SAMD12: variants seen among roughly 807,000 people sequenced by gnomAD.
SAMD12 encodes the protein sterile alpha motif domain containing 12.
SAMD12 carries 9 observed loss-of-function variants against 15.0 expected under a neutral mutation model. That is an observed-to-expected ratio of 0.60 (90% CI 0.36 to 1.05). The LOEUF is 1.05. Ranked by LOEUF, SAMD12 falls within the 50% of genes least tolerant of loss-of-function variation. The pLI is 0.01. For synonymous variants in SAMD12, 86 were observed against 90.1 expected, an observed-to-expected ratio of 0.96 and a Z score of 0.25; for missense variants, 230 against 234.2, an observed-to-expected ratio of 0.98 and a Z score of 0.12.
Position 118,378,812 on chromosome 8 carries a change from G to T in SAMD12, c.*605C>A, listed in dbSNP as rs564020363. 11 of 985,298 alleles carry T rather than the reference G, an allele frequency of 1.1e-5. No individual in the cohort carries two copies. Among genetic ancestry groups the T allele is most frequent in the African/African-American group, 1.0e-4 (6 of 57,318 alleles). The allele number at this position is 985,298 out of a possible 1,614,324, so 61.0% of individuals were successfully genotyped here. ...TCAGTTACATATAGTGTAACTTAAG[G>T]CTTTCTTCGAATTCTAGCTTTATTT... is the stretch of plus-strand genomic sequence containing the variant. On this transcript the variant is annotated 3_prime_UTR_variant, in exon 4 of 4. Transcript: ENST00000314727.
intron 2 of SAMD12, among the ~76,000 whole-genome samples, chr8:118,533,840 G>T (rs1184494622): frequency 6.6e-6 from 1 of 151,614 alleles, no homozygotes; most frequent in Non-Finnish European, 1.5e-5. Flanking sequence ...GCGTGTCTCT[G>T]CATGTGAGAT....
chr8:118,568,295 G>A (rs1166801151), intron 2 of SAMD12, among the ~76,000 whole-genome samples: 2 of 152,168 alleles, frequency 1.3e-5, no homozygotes, highest in African/African-American at 4.8e-5. Flanking sequence ...TAAAGGCTTG[G>A]AGGTGGGAAG....
Position 118,215,476 on chromosome 8 carries a change from T to A in SAMD12, c.434-17744A>T, listed in dbSNP as rs1005380331. Among the ~76,000 whole-genome samples, 4 of 152,166 alleles carry A rather than the reference T, an allele frequency of 2.6e-5. 1 individual carries two copies. The highest frequency in any genetic ancestry group is 4.1e-4 in the South Asian group (2 of 4,826). ...GTTGTCATTGAGTGCTTTTTTTTTT[T>A]ATTACACTTTAAGTTTTAGGGTACA... On this transcript the variant is annotated intron_variant, in intron 4 of 4. Coordinates refer to the SAMD12 transcript ENST00000409003.
chr8:118,355,855 C>T (rs1481185986), intron 4 of SAMD12, among the ~76,000 whole-genome samples: 1 of 152,170 alleles, frequency 6.6e-6, no homozygotes, highest in African/African-American at 2.4e-5. Flanking sequence ...CAACCTTTGA[C>T]TGTGATTCTG....
chr8:118,284,708 C>CTTTTTT, intron 4 of SAMD12: 1 of 168,690 alleles, frequency 5.9e-6, no homozygotes, highest in South Asian at 1.4e-4. Context: ...TTTGGGAGGC[C>CTTTTTT]AAGGCGGGCA....
the SAMD12 span, among the ~76,000 whole-genome samples, chr8:118,182,232 C>A: frequency 6.6e-6 from 1 of 152,186 alleles, no homozygotes; most frequent in African/African-American, 2.4e-5. Context: ...GATACATCTA[C>A]AACTTTTTCA....
intron 1 of SAMD12, among the ~76,000 whole-genome samples, chr8:118,610,430 C>T (rs989555827): frequency 1.3e-5 from 2 of 152,134 alleles, no homozygotes; most frequent in African/African-American, 2.4e-5. Flanking sequence ...CTCTGGCATA[C>T]GGCAGACATC....
At chr8:118,548,637 A>G (rs1826213320) in intron 2 of SAMD12, among the ~76,000 whole-genome samples, 1 of 152,198 alleles carries the variant, frequency 6.6e-6, no homozygotes, top group Non-Finnish European at 1.5e-5. Context: ...CATCTGAGGT[A>G]CCGGGTTCAT....
At chr8:118,463,050 G>A (rs1362400213) in intron 2 of SAMD12, among the ~76,000 whole-genome samples, 2 of 143,692 alleles carry the variant, frequency 1.4e-5, no homozygotes, top group East Asian at 2.1e-4. Flanking sequence ...GCAGTGAGTC[G>A]AGATCGCGCC....
At chr8:118,164,811 G>GTA in the SAMD12 span, among the ~76,000 whole-genome samples, 1,881 of 149,140 alleles carry the variant, frequency 0.013, 27 homozygotes, top group African/African-American at 0.034. Flanking sequence ...GTCTCTCTCT[G>GTA]TATATATATA....
At chr8:118,156,896 T>A in the SAMD12 span, among the ~76,000 whole-genome samples, 1 of 152,044 alleles carries the variant, frequency 6.6e-6, no homozygotes, top group Admixed American at 6.5e-5. Context: ...AGTAAGTGAA[T>A]GAATGAATGA....
rs149798754 is a variant in SAMD12 at position 118,215,168 on chromosome 8, G to A, written c.434-17436C>T. ...CTAAAACAAGTATTGGCAAACTATA[G>A]CCCCTGTAGGACAAATCCAGCCCAC... On this transcript the variant is annotated intron_variant, in intron 4 of 4. Coordinates refer to the SAMD12 transcript ENST00000409003. Among the ~76,000 whole-genome samples, 13 of 152,266 alleles carry A rather than the reference G, an allele frequency of 8.5e-5. No homozygotes were observed. The East Asian group carries it at 2.5e-3, about 29-fold the overall frequency.
chr8:118,612,511 T>G (rs1041120018), intron 1 of SAMD12, among the ~76,000 whole-genome samples: 1 of 152,202 alleles, frequency 6.6e-6, no homozygotes, highest in East Asian at 1.9e-4. Context: ...AACTGTGTCC[T>G]TCTAATCCCT....
At chr8:118,165,503 G>T in the SAMD12 span, among the ~76,000 whole-genome samples, 1 of 150,802 alleles carries the variant, frequency 6.6e-6, no homozygotes, top group Non-Finnish European at 1.5e-5. Flanking sequence ...TTATCCACCT[G>T]CCTTGGCCTC....
At chr8:118,446,990 T>C (rs1197071217) in intron 2 of SAMD12, among the ~76,000 whole-genome samples, 1 of 152,170 alleles carries the variant, frequency 6.6e-6, no homozygotes, top group Non-Finnish European at 1.5e-5. Flanking sequence ...TGAGCTCCTG[T>C]TCTTCCCCCT....
intron 4 of SAMD12, among the ~76,000 whole-genome samples, chr8:118,358,906 T>A (rs947629320): frequency 2.6e-5 from 4 of 152,096 alleles, no homozygotes; most frequent in African/African-American, 9.7e-5. Context: ...TGTTAACACA[T>A]CCCATGTTAG....
chr8:118,497,729 GGGGTGGGGGGAAAGAAAAAAAAA>G (rs1824662457), intron 2 of SAMD12, among the ~76,000 whole-genome samples: 4 of 115,422 alleles, frequency 3.5e-5, no homozygotes, highest in African/African-American at 1.5e-4. Context: ...GTTGCGGGGG[GGGGTGGGGGGAAAGAAAAAAAAA>G]AAAGAACAGC....
chr8:118,414,098 A>T (rs1009535251), intron 3 of SAMD12, among the ~76,000 whole-genome samples: 3 of 152,216 alleles, frequency 2.0e-5, no homozygotes, highest in Non-Finnish European at 4.4e-5. Flanking sequence ...TTATTAATAA[A>T]CTTTGCAATA....
intron 1 of SAMD12, among the ~76,000 whole-genome samples, chr8:118,591,730 T>C (rs1281819362): frequency 6.6e-6 from 1 of 151,544 alleles, no homozygotes; most frequent in Non-Finnish European, 1.5e-5. Flanking sequence ...GGGAGCAAAT[T>C]GGGAAATGAG....
Sources: allele counts gnomAD v4.1 joint callset (sites outside exome capture counted in the v4.1 genomes callset), GRCh38; gene constraint gnomAD v4.1.1; transcripts MANE v1.5; gene names NCBI Gene and HGNC (gene_info 2026-07-23, HGNC 2026-07-21).